The following IMMP2L variants were observed in gnomAD, a reference collection of about 807,000 sequenced individuals.
The protein encoded by IMMP2L is inner mitochondrial membrane peptidase subunit 2, also known as mitochondrial inner membrane protease subunit 2.
In IMMP2L, 18 loss-of-function variants were observed where a neutral mutation model predicts 19.3. That is an observed-to-expected ratio of 0.93 (90% CI 0.64 to 1.38). The LOEUF (loss-of-function observed/expected upper bound fraction) is 1.38, where lower values mean the gene tolerates loss of function less well. Ranked by LOEUF, IMMP2L falls within the 40% of genes most tolerant of loss-of-function variation. The probability of loss-of-function intolerance (pLI) is 0.00; values close to 1 mark genes in which losing one functional copy is unlikely to be tolerated. For synonymous variants in IMMP2L, 76 were observed against 73.0 expected (o/e 1.04, Z -0.21); for missense variants, 233 against 218.2 (o/e 1.07, Z -0.43).
rs1031656337 is a variant in IMMP2L, at chr7:111,195,439, T to C, written c.240-231874A>G. Among the ~76,000 whole-genome samples, 31 of 152,142 alleles carry C rather than the reference T, an allele frequency of 2.0e-4. No individual in the cohort carries two copies. The Middle Eastern group carries it at 0.01, about 50-fold the overall frequency. On this transcript the variant is annotated intron_variant, in intron 3 of 5. Coordinates refer to ENST00000405709, the MANE Select transcript of IMMP2L (RefSeq NM_032549.4). ...AAACTTGCAAGGAATAAAAAAGAGA[T>C]AGACTGGAAGAATATAGGAGGTAAC... is the stretch of plus-strand genomic sequence containing the variant.
At chr7:111,394,254 T>C (rs1345502219) in intron 3 of IMMP2L, among the ~76,000 whole-genome samples, 1 of 152,070 alleles carries the variant, frequency 6.6e-6, no homozygotes, top group African/African-American at 2.4e-5. Context: ...ATATATTAAG[T>C]TCCTCTCTCA....
rs938617490 is a variant in IMMP2L, at chr7:110,760,905, G to A, written c.409-97184C>T. On this transcript the variant is annotated intron_variant, in intron 5 of 5. Transcript: ENST00000405709. The surrounding 1 kb of genome is among the most constrained non-coding windows in gnomAD (Gnocchi z 4.2). ...CCAACAAGCCACAGGAGCCAGAGAA[G>A]TCAAACCAGATGTATAAGTGACATA... Among the ~76,000 whole-genome samples, 6 of 152,120 alleles carry A rather than the reference G, an allele frequency of 3.9e-5. No individual in the cohort carries two copies. The highest frequency in any genetic ancestry group is 5.9e-5 in the Non-Finnish European group (4 of 68,016).
chr7:111,543,879 G>T (rs1029502034), intron 1 of IMMP2L, among the ~76,000 whole-genome samples: 1 of 151,820 alleles, frequency 6.6e-6, no homozygotes, highest in Non-Finnish European at 1.5e-5. Context: ...ACTTTTTTCC[G>T]CACATCTCCT....
intron 3 of IMMP2L, among the ~76,000 whole-genome samples, chr7:111,107,795 A>C (rs1798715308): frequency 6.6e-6 from 1 of 152,136 alleles, no homozygotes; most frequent in Non-Finnish European, 1.5e-5. Context: ...TGGCTGTTGC[A>C]ACATTTCAAA....
At chr7:111,343,344 C>T (rs888210373) in intron 3 of IMMP2L, among the ~76,000 whole-genome samples, 5 of 152,042 alleles carry the variant, frequency 3.3e-5, no homozygotes, top group African/African-American at 9.7e-5. Context: ...CTGAACTAAA[C>T]TCTTCAACTA....
rs904773589 is a variant in IMMP2L, at chr7:111,003,901, C to T, written c.240-40336G>A. Among the ~76,000 whole-genome samples the T allele has an allele frequency of 2.6e-5, 4 of 152,132 alleles. No homozygotes were observed. The South Asian group carries it at 8.3e-4, about 31-fold the overall frequency. Reference sequence around the variant, plus strand: ...TTATCATAGGATATTTCACTTAAAACAAATTTTTTTAAAAAGTAGTTATTT... The same window carrying T: ...TTATCATAGGATATTTCACTTAAAATAAATTTTTTTAAAAAGTAGTTATTT... On this transcript the variant is annotated intron_variant, in intron 3 of 5. Coordinates refer to ENST00000405709, the MANE Select transcript of IMMP2L (RefSeq NM_032549.4).
chr7:110,925,357 A>G (rs1033350918), intron 4 of IMMP2L, among the ~76,000 whole-genome samples: 2 of 152,100 alleles, frequency 1.3e-5, no homozygotes, highest in African/African-American at 4.8e-5. Context: ...AAATGAAAAC[A>G]AACACTTCAA....
At chr7:111,110,303 A>G (rs908946501) in intron 3 of IMMP2L, among the ~76,000 whole-genome samples, 1 of 152,226 alleles carries the variant, frequency 6.6e-6, no homozygotes, top group Non-Finnish European at 1.5e-5. Flanking sequence ...TCAGTCATTA[A>G]AGAAAACCTC....
At chr7:111,295,268 G>GA (rs1821504074) in intron 3 of IMMP2L, among the ~76,000 whole-genome samples, 1 of 151,846 alleles carries the variant, frequency 6.6e-6, no homozygotes, top group Admixed American at 6.6e-5. Context: ...TTTATGTGTT[G>GA]ATATATTGCC....
chr7:111,017,787 A>C (rs1392859818), intron 3 of IMMP2L, among the ~76,000 whole-genome samples: 1 of 152,182 alleles, frequency 6.6e-6, no homozygotes, highest in Non-Finnish European at 1.5e-5. Context: ...AAGTCTCCTA[A>C]AAGGCAGATG....
chr7:111,511,352 A>G (rs572405032), intron 2 of IMMP2L, among the ~76,000 whole-genome samples: 3 of 151,748 alleles, frequency 2.0e-5, no homozygotes, highest in Non-Finnish European at 2.9e-5. Context: ...CAGGCCAAGC[A>G]AAAAAAAGGG....
intron 3 of IMMP2L, among the ~76,000 whole-genome samples, chr7:110,963,838 A>G (rs2129555625): frequency 6.6e-6 from 1 of 152,178 alleles, no homozygotes; most frequent in Non-Finnish European, 1.5e-5. Flanking sequence ...TTATTAAGGA[A>G]TAAAGTTTAT....
chr7:110,789,813 G>A (rs866332859), intron 5 of IMMP2L, among the ~76,000 whole-genome samples: 2 of 151,314 alleles, frequency 1.3e-5, no homozygotes, highest in African/African-American at 2.4e-5. Flanking sequence ...CATACCTCAG[G>A]GCCTTTGCAT....
intron 3 of IMMP2L, among the ~76,000 whole-genome samples, chr7:111,311,241 C>G (rs1190268641): frequency 6.6e-6 from 1 of 150,972 alleles, no homozygotes; most frequent in Non-Finnish European, 1.5e-5. Context: ...CTCCCTGGAA[C>G]TACAGTAAGA....
intron 5 of IMMP2L, among the ~76,000 whole-genome samples, chr7:110,798,546 C>T (rs1241538627): frequency 1.3e-5 from 2 of 151,900 alleles, no homozygotes; most frequent in African/African-American, 4.8e-5. Context: ...TTTTGGCATT[C>T]ATATTAGTAA....
At chr7:111,200,402 C>T (rs935189685) in intron 3 of IMMP2L, among the ~76,000 whole-genome samples, 3 of 151,990 alleles carry the variant, frequency 2.0e-5, no homozygotes, top group African/African-American at 7.2e-5. Context: ...AATTTTCAAA[C>T]ATATTGGCTT....
chr7:110,850,888 A>G (rs1246765660), intron 5 of IMMP2L, among the ~76,000 whole-genome samples: 1 of 151,976 alleles, frequency 6.6e-6, no homozygotes, highest in East Asian at 1.9e-4. Context: ...CAGAATATCA[A>G]TAAGAAAAAG....
At chr7:110,697,758 C>T (rs892012620) in intron 5 of IMMP2L, among the ~76,000 whole-genome samples, 10 of 152,148 alleles carry the variant, frequency 6.6e-5, no homozygotes, top group African/African-American at 9.7e-5. Flanking sequence ...CATGCCACTG[C>T]ACCCCAGCCT....
At chr7:111,306,336 C>A (rs1209530418) in intron 3 of IMMP2L, among the ~76,000 whole-genome samples, 1 of 151,978 alleles carries the variant, frequency 6.6e-6, no homozygotes, top group Non-Finnish European at 1.5e-5. Context: ...AATGTCAATT[C>A]AACTGTAACA....
Sources: gnomAD v4.1 joint callset for allele counts (sites outside exome capture counted in the v4.1 genomes callset) on GRCh38, gnomAD v4.1.1 for gene constraint, Gnocchi (gnomAD v3.1) non-coding constraint, MANE v1.5 for transcripts, NCBI Gene and HGNC (gene_info 2026-07-23, HGNC 2026-07-21) for gene names.